The following NRXN3 variants were observed in gnomAD, a reference collection of about 807,000 sequenced individuals.
NRXN3 encodes neurexin 3.
Under a neutral mutation model 137.6 loss-of-function variants are expected in NRXN3, and 32 were observed. The ratio of observed to expected loss-of-function variants is 0.23; its 90% CI spans 0.18 to 0.31. The LOEUF (loss-of-function observed/expected upper bound fraction) is 0.31, where lower values mean the gene tolerates loss of function less well. Among genes scored for constraint, NRXN3 ranks in the 10% least tolerant of loss-of-function variants. The probability of loss-of-function intolerance (pLI) is 1.00; values close to 1 mark genes in which losing one functional copy is unlikely to be tolerated. For synonymous variants in NRXN3, 798 were observed against 784.5 expected (o/e 1.02, Z -0.29); for missense variants, 1,574 against 2,062.5 (o/e 0.76, Z 4.59).
chr14:79,234,318 AT>A (rs1434405031), intron 15 of NRXN3, among the ~76,000 whole-genome samples: 2 of 119,102 alleles, frequency 1.7e-5, no homozygotes, highest in African/African-American at 6.6e-5. Flanking sequence ...ATATATATAT[AT>A]ATATATATAT....
chr14:78,635,792 T>A (rs1601689495), intron 4 of NRXN3, among the ~76,000 whole-genome samples: 1 of 152,196 alleles, frequency 6.6e-6, no homozygotes, highest in African/African-American at 2.4e-5. Context: ...GTTCAAAAAC[T>A]TCAAAATTCT....
intron 16 of NRXN3, among the ~76,000 whole-genome samples, chr14:79,618,820 T>C (rs1395668778): frequency 1.3e-5 from 2 of 152,150 alleles, no homozygotes; most frequent in Non-Finnish European, 2.9e-5. Flanking sequence ...TCACCAACAG[T>C]GTAGCTTTCC....
At chr14:78,220,454 T>C (rs1165011175) in intron 1 of NRXN3, among the ~76,000 whole-genome samples, 7 of 152,048 alleles carry the variant, frequency 4.6e-5, no homozygotes, top group Non-Finnish European at 7.4e-5. Context: ...TGGTTTGGTA[T>C]TTTGGAAGCC....
intron 16 of NRXN3, among the ~76,000 whole-genome samples, chr14:79,623,177 A>G (rs2098243407): frequency 6.6e-6 from 1 of 152,152 alleles, no homozygotes; most frequent in African/African-American, 2.4e-5. Context: ...AATGCCATCA[A>G]CTCATCATCC....
chr14:79,241,479 C>CCGCCATGTAATAA (rs1259641372), intron 15 of NRXN3, among the ~76,000 whole-genome samples: 3 of 152,114 alleles, frequency 2.0e-5, no homozygotes, highest in Non-Finnish European at 2.9e-5. Context: ...AGAACTTGTG[C>CCGCCATGTAATAA]AGGGGAACTC....
chr14:79,860,365 C>T (rs1181278284), intron 20 of NRXN3, among the ~76,000 whole-genome samples: 1 of 152,160 alleles, frequency 6.6e-6, no homozygotes, highest in Non-Finnish European at 1.5e-5. Context: ...GCAAGGCAAG[C>T]TGTCATTTAA....
intron 10 of NRXN3, among the ~76,000 whole-genome samples, chr14:78,903,645 A>T (rs891676732): frequency 6.6e-6 from 1 of 152,042 alleles, no homozygotes; most frequent in Non-Finnish European, 1.5e-5. Flanking sequence ...AAATCATTAC[A>T]CACTTTAGTC....
In NRXN3 at chr14:78,922,155, A is replaced by G. The variant is rs368858451; in HGVS notation, c.2276-35087A>G. ...TTTTCTTTTCTCCAAATAAGGCAGA[A>G]TGCTTCAAGAATATTTTATCGTCCT... On this transcript the variant is annotated intron_variant, in intron 10 of 20. Coordinates refer to ENST00000335750, the MANE Select transcript of NRXN3 (RefSeq NM_001330195.2). Among the ~76,000 whole-genome samples the G allele has an allele frequency of 5.3e-5, 8 of 152,316 alleles. No homozygotes were observed. The East Asian group carries it at 5.8e-4, about 11-fold the overall frequency.
At chr14:78,530,038 TA>T (rs1448593905) in intron 4 of NRXN3, among the ~76,000 whole-genome samples, 1 of 152,220 alleles carries the variant, frequency 6.6e-6, no homozygotes, top group African/African-American at 2.4e-5. Context: ...TGGCATCTTC[TA>T]AAATTCACAT....
At chr14:79,250,985 G>T (rs935252297) in intron 15 of NRXN3, among the ~76,000 whole-genome samples, 1 of 152,208 alleles carries the variant, frequency 6.6e-6, no homozygotes, top group African/African-American at 2.4e-5. Flanking sequence ...GACATCAGGT[G>T]TGTTCAGGGA....
At chr14:79,131,161 G>A (rs2057407823) in intron 15 of NRXN3, among the ~76,000 whole-genome samples, 2 of 152,196 alleles carry the variant, frequency 1.3e-5, no homozygotes, top group Non-Finnish European at 2.9e-5. Flanking sequence ...ATCGTCTGAA[G>A]CCTTCTTCTC....
intron 2 of NRXN3, among the ~76,000 whole-genome samples, chr14:78,268,903 T>G (rs1353968579): frequency 1.3e-5 from 2 of 152,310 alleles, no homozygotes; most frequent in East Asian, 3.9e-4. Context: ...ACATTTCTTT[T>G]ATGATGTTAT....
intron 19 of NRXN3, among the ~76,000 whole-genome samples, chr14:79,742,393 T>C (rs2154080950): frequency 6.6e-6 from 1 of 152,306 alleles, no homozygotes; most frequent in African/African-American, 2.4e-5. Flanking sequence ...TTGTACTGAA[T>C]GAGGTAAGAT....
chr14:79,522,381 G>A (rs1016162986), intron 16 of NRXN3, among the ~76,000 whole-genome samples: 5 of 152,066 alleles, frequency 3.3e-5, no homozygotes, highest in Non-Finnish European at 7.4e-5. Context: ...CTTCCAAGGA[G>A]CCTTTGAGTC....
At chr14:79,083,570 G>A (rs1170743734) in intron 15 of NRXN3, among the ~76,000 whole-genome samples, 1 of 152,186 alleles carries the variant, frequency 6.6e-6, no homozygotes, top group Non-Finnish European at 1.5e-5. Context: ...GTGCAAGTGG[G>A]GGACCCAGGG....
At position 79,259,227 on chromosome 14, in the gene NRXN3, A is replaced by G. The variant is rs963160585; in HGVS notation, c.3263-207994A>G. Among the ~76,000 whole-genome samples the G allele has an allele frequency of 3.3e-5, 5 of 152,292 alleles. No individual in the cohort carries two copies. In the East Asian group the frequency reaches 9.7e-4, roughly 29 times the overall value. ...GGAAGGTTGTGAGCTTTTGTTCGTGATGTTAAATAAAGAACATTGTGTGTC... is the reference window on the plus strand; with the variant it reads ...GGAAGGTTGTGAGCTTTTGTTCGTGGTGTTAAATAAAGAACATTGTGTGTC... On this transcript the variant is annotated intron_variant, in intron 15 of 20. Coordinates refer to ENST00000335750, the MANE Select transcript of NRXN3 (RefSeq NM_001330195.2).
intron 15 of NRXN3, among the ~76,000 whole-genome samples, chr14:79,009,002 G>T (rs900016185): frequency 2.6e-5 from 4 of 152,000 alleles, no homozygotes; most frequent in African/African-American, 9.7e-5. Flanking sequence ...TTTAAGTAAT[G>T]ATGTTTGCCG....
chr14:79,629,861 C>T (rs2098326650), intron 16 of NRXN3, among the ~76,000 whole-genome samples: 1 of 151,590 alleles, frequency 6.6e-6, no homozygotes, highest in Admixed American at 6.6e-5. Flanking sequence ...GTGTGTTATG[C>T]ACAGTGGCTT....
chr14:79,325,067 C>T (rs149492327), intron 15 of NRXN3, among the ~76,000 whole-genome samples: 2 of 152,166 alleles, frequency 1.3e-5, no homozygotes, highest in African/African-American at 4.8e-5. Flanking sequence ...CTATTTATTT[C>T]TATAATCTCT....
Sources: allele counts gnomAD v4.1 joint callset (sites outside exome capture counted in the v4.1 genomes callset), GRCh38; gene constraint gnomAD v4.1.1; transcripts MANE v1.5; gene names NCBI Gene and HGNC (gene_info 2026-07-23, HGNC 2026-07-21).